SHANK1: variants seen among roughly 807,000 people sequenced by gnomAD.
SHANK1 encodes SH3 and multiple ankyrin repeat domains protein 1.
Under a neutral mutation model 165.6 loss-of-function variants are expected in SHANK1, and 35 were observed. The ratio of observed to expected loss-of-function variants is 0.21; its 90% confidence interval spans 0.16 to 0.28. The LOEUF is 0.28. Ranked by LOEUF, SHANK1 falls within the 10% of genes least tolerant of loss-of-function variation. The pLI, the probability that SHANK1 is intolerant of heterozygous loss-of-function variation, is 1.00. For synonymous variants in SHANK1, 1,428 were observed against 1,384.8 expected, an observed-to-expected ratio of 1.03 and a Z score of -0.69; for missense variants, 2,681 against 3,036.4, an observed-to-expected ratio of 0.88 and a Z score of 2.75.
At chr19:50,704,606 G>A in intron 8 of SHANK1, 92 bp from the exon 9 acceptor site, 3 of 1,142,766 alleles carry the variant, frequency 2.6e-6, no homozygotes, top group Non-Finnish European at 4.0e-6. Flanking sequence ...AAGAGCCTCA[G>A]GAATAAATAC....
In SHANK1 at chr19:50,667,331, G is replaced by A. The variant is rs774767400; in HGVS notation, c.4629C>T (p.Pro1543=). The change falls in exon 23 of 24, where the codon CCC becomes CCT. Residue 1543 remains proline (P), a synonymous_variant. Coordinates refer to ENST00000293441, the MANE Select transcript of SHANK1 (RefSeq NM_016148.5). The surrounding 1 kb of genome is among the most constrained non-coding windows in gnomAD (Gnocchi z 5.7). ...SPRASEENGL[P]LLVLPPPAPS... is the part of the protein sequence containing the mutation. ...GGGCGGGAGGCGGCAGGACCAGCAG[G>A]GGCAGCCCGTTCTCTTCGCTGGCCC... is the stretch of plus-strand genomic sequence containing the variant. 2.9e-5 allele frequency: 45 copies of A among 1,577,046 alleles called. No individual in the cohort carries two copies. The Middle Eastern group carries it at 8.3e-4, about 29-fold the overall frequency.
rs1314171828 is a variant in SHANK1, at chr19:50,718,708, G to C, written c.-44+698C>G. Reference sequence around the variant, plus strand: ...GGCGGCTGGCGTGGCCGAGAGCGGGGCCGGGGAGAATGAATGGAGGCGGAG... The same window carrying C: ...GGCGGCTGGCGTGGCCGAGAGCGGGCCCGGGGAGAATGAATGGAGGCGGAG... On this transcript the variant is annotated intron_variant, in intron 1 of 23. Transcript: ENST00000293441. The surrounding 1 kb of genome is among the most constrained non-coding windows in gnomAD (Gnocchi z 5.1). Among the ~76,000 whole-genome samples the C allele has an allele frequency of 1.3e-5, 2 of 151,426 alleles. No individual in the cohort carries two copies. The highest frequency in any genetic ancestry group is 3.0e-5 in the Non-Finnish European group (2 of 67,780).
Position 50,662,807 on chromosome 19 carries a change from C to CAGA in SHANK1, c.5769-126_5769-125insTCT. On this transcript the variant is annotated intron_variant, in intron 23 of 23. Transcript: ENST00000293441. The surrounding 1 kb of genome is among the most constrained non-coding windows in gnomAD (Gnocchi z 7.7). ...AGAGACATAAGGGTAGGGGGAGAGA[C>CAGA]GGAGGAGAGACGGGAAGAAATGGAG... 1.1e-6 allele frequency: 1 copy of CAGA among 937,200 alleles called. No individual in the cohort carries two copies. The highest frequency in any genetic ancestry group is 1.6e-6 in the Non-Finnish European group (1 of 628,446). The allele number at this position is 937,200 out of a possible 1,614,324, so 58.1% of individuals were successfully genotyped here. A position where few individuals can be genotyped will look rare whatever the true frequency, so the allele number is the denominator to read the frequency against.
rs1442412198 is a variant in SHANK1, at chr19:50,670,194, C to T, written c.2675-909G>A. On this transcript the variant is annotated intron_variant, in intron 22 of 23. Coordinates refer to ENST00000293441, the MANE Select transcript of SHANK1 (RefSeq NM_016148.5). The surrounding 1 kb of genome is among the most constrained non-coding windows in gnomAD (Gnocchi z 4.1). ...ACAGACTCCTCCCAGCCCACGGTCC[C>T]TCCCCACCACCGCAGCAAACAGCAG... Among the ~76,000 whole-genome samples the T allele has an allele frequency of 6.6e-6, 1 of 152,142 alleles. No individual in the cohort carries two copies. Among genetic ancestry groups the T allele is most frequent in the Non-Finnish European group, 1.5e-5 (1 of 68,022 alleles).
At chr19:50,678,327 G>A (rs73932555) in intron 21 of SHANK1, among the ~76,000 whole-genome samples, 262 of 152,190 alleles carry the variant, frequency 1.7e-3, no homozygotes, top group African/African-American at 6.1e-3. Context: ...GGGCAGGGCT[G>A]GAGAGGACAG....
intron 15 of SHANK1, among the ~76,000 whole-genome samples, chr19:50,696,890 G>A (rs1224615999): frequency 6.6e-6 from 1 of 152,114 alleles, no homozygotes; most frequent in Non-Finnish European, 1.5e-5. Flanking sequence ...TATATACAGA[G>A]CAGGGCAGAC....
rs1986516106 is a variant in SHANK1, at chr19:50,690,848, C to T, written c.1965-1569G>A. On this transcript the variant is annotated intron_variant, in intron 15 of 23. Transcript: ENST00000293441. The surrounding 1 kb of genome is among the most constrained non-coding windows in gnomAD (Gnocchi z 4.9). ...TGCCAATAATACTTACTGTGCTCCA[C>T]TGTATTTAGGTACCACCCCCACAAG... is the stretch of plus-strand genomic sequence containing the variant. Among the ~76,000 whole-genome samples the T allele has an allele frequency of 6.6e-6, 1 of 152,094 alleles. No homozygotes were observed. Among genetic ancestry groups the T allele is most frequent in the Admixed American group, 6.5e-5 (1 of 15,268 alleles).
chr19:50,704,281 T>A lies in SHANK1; in HGVS notation c.1156-95A>T, dbSNP rs992667850. 4.3e-6 allele frequency: 6 copies of A among 1,390,634 alleles called. No individual in the cohort carries two copies. The African/African-American group carries it at 8.5e-5, about 20-fold the overall frequency. 86.1% of individuals were successfully genotyped at this position (1,390,634 alleles called of 1,614,324 possible). On this transcript the variant is annotated intron_variant, in intron 9 of 23. Transcript: ENST00000293441. Reference sequence around the variant, plus strand: ...CGAGGTCCCTGGCCCGACCCAAACCTTCCACTCCGACAATGCCGCCCTCTG... The same window carrying A: ...CGAGGTCCCTGGCCCGACCCAAACCATCCACTCCGACAATGCCGCCCTCTG...
At chr19:50,671,551 C>A (rs574906498) in intron 22 of SHANK1, among the ~76,000 whole-genome samples, 1 of 151,226 alleles carries the variant, frequency 6.6e-6, no homozygotes, top group South Asian at 2.1e-4. Context: ...TGCTTATTTT[C>A]CTTATAATCC....
chr19:50,677,061 T>C (rs779069107), intron 21 of SHANK1, among the ~76,000 whole-genome samples: 1 of 151,986 alleles, frequency 6.6e-6, no homozygotes, highest in African/African-American at 2.4e-5. Context: ...GAGCAGAAAT[T>C]GAGAAGGATT....
chr19:50,707,077 C>G (rs1455889802), intron 8 of SHANK1, among the ~76,000 whole-genome samples: 1 of 152,178 alleles, frequency 6.6e-6, no homozygotes, highest in African/African-American at 2.4e-5. Context: ...CGTGCTCAAC[C>G]CTTTGCTTTA....
At position 50,674,819 on chromosome 19, in the gene SHANK1, C is replaced by T. The variant is rs1227576070; in HGVS notation, c.2578-2705G>A. 3.3e-5 allele frequency among the ~76,000 whole-genome samples: 5 copies of T among 152,044 alleles called. No individual in the cohort carries two copies. In the East Asian group the frequency reaches 5.8e-4, roughly 18 times the overall value. Reference sequence around the variant, plus strand: ...GCTCATGCCTGTAATCCCAGCACTTCGGGAGGCCAAGGTGGGCAGATCACC... The same window carrying T: ...GCTCATGCCTGTAATCCCAGCACTTTGGGAGGCCAAGGTGGGCAGATCACC... On this transcript the variant is annotated intron_variant, in intron 21 of 23. Transcript: ENST00000293441.
chr19:50,684,066 G>A (rs1040132185), intron 21 of SHANK1, among the ~76,000 whole-genome samples: 2 of 152,106 alleles, frequency 1.3e-5, no homozygotes, highest in Non-Finnish European at 2.9e-5. Context: ...TTTCTGTACC[G>A]CCCTTTCCTT....
intron 21 of SHANK1, among the ~76,000 whole-genome samples, chr19:50,685,462 G>A (rs573701427): frequency 2.6e-5 from 4 of 152,270 alleles, no homozygotes; most frequent in Admixed American, 1.3e-4. Flanking sequence ...GGTGGCTCAC[G>A]CCTGTAATCC....
rs1375451174 is a variant in SHANK1 at position 50,659,962 on chromosome 19, C to G, written c.*2003G>C. On this transcript the variant is annotated 3_prime_UTR_variant, in exon 24 of 24. Coordinates refer to ENST00000293441, the MANE Select transcript of SHANK1 (RefSeq NM_016148.5). ...CCTCCCCCCTCCCACGACCCTCCCA[C>G]GAGGTTCCCCGCAGATCCCTGACAT... Among the ~76,000 whole-genome samples the G allele has an allele frequency of 6.6e-6, 1 of 150,768 alleles. No individual in the cohort carries two copies. Among genetic ancestry groups the G allele is most frequent in the African/African-American group, 2.4e-5 (1 of 40,944 alleles).
Position 50,662,504 on chromosome 19 carries a change from G to A in SHANK1, c.5947C>T (p.Leu1983Phe), listed in dbSNP as rs1475364624. Reference protein sequence around the residue: ...ASSSSTSTRHLQGVEFEMRPP... With the variant: ...ASSSSTSTRHFQGVEFEMRPP... ...CGCATCTCGAACTCCACGCCCTGGAGGTGGCGGGTGGACGTGGAGGAGGAG... is the reference window on the plus strand; with the variant it reads ...CGCATCTCGAACTCCACGCCCTGGAAGTGGCGGGTGGACGTGGAGGAGGAG... Residue 1983 changes from leucine (L) to phenylalanine (F), a missense_variant, in exon 24 of 24, where the codon CTC (leucine) becomes TTC (phenylalanine). Leu to Phe is a conservative substitution (Grantham distance 22). Coordinates refer to ENST00000293441, the MANE Select transcript of SHANK1 (RefSeq NM_016148.5). This position sits in a 1 kb window ranked among gnomAD's most constrained non-coding sequence, Gnocchi z 7.7. The A allele has an allele frequency of 6.4e-7, 1 of 1,559,326 alleles. No individual in the cohort carries two copies. Among genetic ancestry groups the A allele is most frequent in the Non-Finnish European group, 8.7e-7 (1 of 1,151,738 alleles).
chr19:50,697,197 C>A lies in SHANK1; in HGVS notation c.1938-75G>T. 1 of 1,610,652 alleles carries A rather than the reference C, an allele frequency of 6.2e-7. No homozygotes were observed. The highest frequency in any genetic ancestry group is 8.5e-7 in the Non-Finnish European group (1 of 1,177,164). On this transcript the variant is annotated intron_variant, in intron 14 of 23. Coordinates refer to ENST00000293441, the MANE Select transcript of SHANK1 (RefSeq NM_016148.5). This position sits in a 1 kb window ranked among gnomAD's most constrained non-coding sequence, Gnocchi z 4.7. Reference sequence around the variant, plus strand: ...ACCCATCTCCTCACCCCAATCCCACCCAGCCCTGACTGCACCCTCCCCACA... The same window carrying A: ...ACCCATCTCCTCACCCCAATCCCACACAGCCCTGACTGCACCCTCCCCACA...
chr19:50,676,134 C>T (rs1985972139), intron 21 of SHANK1, among the ~76,000 whole-genome samples: 1 of 131,726 alleles, frequency 7.6e-6, no homozygotes, highest in Non-Finnish European at 1.8e-5. Context: ...CCTGTCTCAC[C>T]CCCAATTTTT....
Position 50,686,365 on chromosome 19 carries a change from G to A in SHANK1, c.2459-10C>T, listed in dbSNP as rs1197402723. The stretch of plus-strand genomic sequence containing the variant: ...ATTTCGTCCAGTTTGTCTAGGGGTA[G>A]ATGAATGAACAGAGGTGGGAAGACA... On this transcript the variant is annotated splice_polypyrimidine_tract_variant and intron_variant, in intron 20 of 23. Transcript: ENST00000293441. This position sits in a 1 kb window ranked among gnomAD's most constrained non-coding sequence, Gnocchi z 5.7. The A allele has an allele frequency of 1.3e-6, 2 of 1,561,604 alleles. No individual in the cohort carries two copies. Among genetic ancestry groups the A allele is most frequent in the Middle Eastern group, 1.7e-4 (1 of 5,940 alleles).
Sources: gnomAD v4.1 joint callset for allele counts (sites outside exome capture counted in the v4.1 genomes callset) on GRCh38, gnomAD v4.1.1 for gene constraint, Gnocchi (gnomAD v3.1) non-coding constraint, MANE v1.5 for transcripts, NCBI Gene and HGNC (gene_info 2026-07-23, HGNC 2026-07-21) for gene names.